ATG16L1: variants seen among roughly 807,000 people sequenced by gnomAD.
ATG16L1 encodes the protein autophagy-related protein 16-1.
Under a neutral mutation model 88.5 loss-of-function variants are expected in ATG16L1, and 37 were observed. That is an observed-to-expected ratio of 0.42 (90% CI 0.32 to 0.55). ATG16L1 has a LOEUF of 0.55. Among genes scored for constraint, ATG16L1 ranks in the 20% least tolerant of loss-of-function variants. ATG16L1 has a pLI of 0.13. For missense variants in ATG16L1, 554 were observed against 752.8 expected, an observed-to-expected ratio of 0.74 and a Z score of 3.09; for synonymous variants, 301 against 281.0, an observed-to-expected ratio of 1.07 and a Z score of -0.71.
intron 12 of ATG16L1, among the ~76,000 whole-genome samples, chr2:233,286,815 C>T (rs1272958565): frequency 3.3e-5 from 5 of 151,456 alleles, no homozygotes; most frequent in South Asian, 2.1e-4. Context: ...TTAGTAGAGA[C>T]GAGATTTCAC....
chr2:233,276,674 G>A lies in ATG16L1; in HGVS notation c.955-894G>A, dbSNP rs115402952. ...TTTAGTTTTTAAGAGACGAGGTTTC[G>A]CCACGTTGCCCAGGCTGGTCTTGAA... On this transcript the variant is annotated intron_variant, in intron 9 of 17. Coordinates refer to ENST00000392017, the MANE Select transcript of ATG16L1 (RefSeq NM_030803.7). Among the ~76,000 whole-genome samples the A allele has an allele frequency of 5.4e-3, 821 of 152,176 alleles. 10 individuals carry two copies. Among genetic ancestry groups the A allele is most frequent in the African/African-American group, 0.019 (776 of 41,514 alleles).
intron 2 of ATG16L1, among the ~76,000 whole-genome samples, chr2:233,257,143 C>G (rs1486413119): frequency 1.3e-5 from 2 of 152,170 alleles, no homozygotes; most frequent in Non-Finnish European, 2.9e-5. Context: ...CATTCTCCTG[C>G]CTCAGCCTCC....
intron 12 of ATG16L1, among the ~76,000 whole-genome samples, chr2:233,284,733 G>T (rs913223475): frequency 2.6e-5 from 4 of 152,118 alleles, no homozygotes; most frequent in Non-Finnish European, 5.9e-5. Context: ...GCCTCCCAAA[G>T]TGCTGGGATT....
intron 1 of ATG16L1, among the ~76,000 whole-genome samples, chr2:233,255,519 C>T (rs916354867): frequency 6.6e-6 from 1 of 152,194 alleles, no homozygotes; most frequent in Non-Finnish European, 1.5e-5. Flanking sequence ...TTTATTTAAT[C>T]ATTGCCAGTA....
chr2:233,294,202 A>G lies in ATG16L1; in HGVS notation c.1731-55A>G, dbSNP rs1699659216. 4 of 1,416,712 alleles carry G rather than the reference A, an allele frequency of 2.8e-6. No individual in the cohort carries two copies. In the South Asian group the frequency reaches 4.0e-5, roughly 14 times the overall value. The allele number at this position is 1,416,712 out of a possible 1,614,324, so 87.8% of individuals were successfully genotyped here. A position where few individuals can be genotyped will look rare whatever the true frequency, so the allele number is the denominator to read the frequency against. ...CAAGCTTCTGGTGTTTGGTTTACCA[A>G]GATCTCATCCCAAATGTTCTGAAAC... On this transcript the variant is annotated intron_variant, in intron 17 of 17. Transcript: ENST00000392017.
intron 12 of ATG16L1, among the ~76,000 whole-genome samples, chr2:233,287,667 C>T (rs1303324703): frequency 1.3e-5 from 2 of 152,192 alleles, no homozygotes; most frequent in Non-Finnish European, 2.9e-5. Flanking sequence ...CACTTGAAGT[C>T]AGGAATTCAA....
At chr2:233,260,459 TC>T (rs1401731686) in intron 2 of ATG16L1, among the ~76,000 whole-genome samples, 1 of 152,198 alleles carries the variant, frequency 6.6e-6, no homozygotes, top group Non-Finnish European at 1.5e-5. Context: ...TACTCAGACT[TC>T]CTGGAACCAG....
At chr2:233,293,581 C>T (rs1699612306) in intron 17 of ATG16L1, among the ~76,000 whole-genome samples, 1 of 151,760 alleles carries the variant, frequency 6.6e-6, no homozygotes, top group East Asian at 1.9e-4. Flanking sequence ...GAGTGGCAGC[C>T]GCTGGAGAAA....
rs557120312 is a variant in ATG16L1 at position 233,292,224 on chromosome 2, T to C, written c.1527T>C (p.Asp509=). Residue 509 remains aspartate (D), a synonymous_variant, in exon 15 of 18, where the codon GAT becomes GAC. Transcript: ENST00000392017. The part of the protein sequence containing the change: ...ERTELLSCSR[D]DLLKVIDLRT... Reference sequence around the variant, plus strand: ...CTGAGCTCCTGAGCTGCTCCCGTGATGACTTGCTAAAAGTTATTGATCTCC... The same window carrying C: ...CTGAGCTCCTGAGCTGCTCCCGTGACGACTTGCTAAAAGTTATTGATCTCC... The C allele has an allele frequency of 7.4e-5, 120 of 1,614,148 alleles. 1 individual carries two copies. Among genetic ancestry groups the C allele is most frequent in the Non-Finnish European group, 9.5e-5 (112 of 1,180,056 alleles).
At chr2:233,276,268 TAAC>T (rs1430597086) in intron 9 of ATG16L1, among the ~76,000 whole-genome samples, 2 of 152,214 alleles carry the variant, frequency 1.3e-5, no homozygotes, top group African/African-American at 2.4e-5. Flanking sequence ...ATTATCTACT[TAAC>T]AATCTCATAT....
intron 2 of ATG16L1, among the ~76,000 whole-genome samples, chr2:233,261,373 A>C (rs75632867): frequency 0.014 from 2,069 of 152,290 alleles, 19 homozygotes; most frequent in Admixed American, 0.029. Context: ...ACATAGTGAG[A>C]TACCATCTCA....
At chr2:233,264,139 G>C in intron 4 of ATG16L1, 74 bp downstream of exon 4, 1 of 1,513,224 alleles carries the variant, frequency 6.6e-7, no homozygotes, top group Non-Finnish European at 9.2e-7. Flanking sequence ...CCTCTTGTGA[G>C]CAGGGCCAGT....
chr2:233,251,907 T>C lies in ATG16L1; in HGVS notation c.80T>C (p.Leu27Pro). ...GAGCAACTGAGGCGCCGGGACCGGCTGCAGAGACAGGCGTTCGAGGAGATC... is the reference window on the plus strand; with the variant it reads ...GAGCAACTGAGGCGCCGGGACCGGCCGCAGAGACAGGCGTTCGAGGAGATC... ...ISEQLRRRDRLQRQAFEEIIL... is the reference protein window; with the variant it reads ...ISEQLRRRDRPQRQAFEEIIL... The change falls in exon 1 of 18, where the codon CTG (leucine) becomes CCG (proline). Residue 27 changes from leucine to proline, a missense_variant. This residue lies in a region of ATG16L1 where 101 missense variants were observed against 107.0 expected (regional missense o/e 0.94). Transcript: ENST00000392017. The C allele has an allele frequency of 6.4e-7, 1 of 1,550,662 alleles. No individual in the cohort carries two copies. The highest frequency in any genetic ancestry group is 8.7e-7 in the Non-Finnish European group (1 of 1,147,570).
intron 12 of ATG16L1, 51 bp downstream of exon 12, chr2:233,282,804 T>C (rs781253569): frequency 6.4e-7 from 1 of 1,551,376 alleles, no homozygotes; most frequent in Non-Finnish European, 8.9e-7. Flanking sequence ...CATGTGGTGT[T>C]ATCAAGGCAC....
intron 10 of ATG16L1, among the ~76,000 whole-genome samples, chr2:233,278,206 C>T (rs2125262023): frequency 6.6e-6 from 1 of 152,314 alleles, no homozygotes; most frequent in East Asian, 1.9e-4. Flanking sequence ...GATCAAGACT[C>T]AGTCTCTTTG....
chr2:233,285,841 G>A (rs1484571825), intron 12 of ATG16L1, among the ~76,000 whole-genome samples: 2 of 152,134 alleles, frequency 1.3e-5, no homozygotes, highest in African/African-American at 4.8e-5. Context: ...TTGCTCTTAC[G>A]ACAAGGGAAT....
rs369995634 is a variant in ATG16L1, at chr2:233,270,062, C to T, written c.702C>T (p.Val234=). 7 of 1,583,024 alleles carry T rather than the reference C, an allele frequency of 4.4e-6. No homozygotes were observed. Among genetic ancestry groups the T allele is most frequent in the South Asian group, 1.2e-5 (1 of 84,578 alleles). The change falls in exon 6 of 18, where the codon GTC becomes GTT. Residue 234 remains valine, a synonymous_variant. Transcript: ENST00000392017. ...LAEAAKEPLP[V]EQDDDIEVIV... ...AAGCAGCAAAGGAACCTCTACCAGT[C>T]GAACAGTAAGTAAAGATAAATGAAT...
intron 12 of ATG16L1, among the ~76,000 whole-genome samples, chr2:233,287,546 A>C (rs1321333606): frequency 1.3e-5 from 2 of 152,238 alleles, no homozygotes; most frequent in African/African-American, 4.8e-5. Context: ...TAGTGAATAT[A>C]AATACAAATT....
chr2:233,282,594 G>A, intron 11 of ATG16L1, 88 bp from the exon 12 acceptor site: 2 of 1,194,666 alleles, frequency 1.7e-6, no homozygotes, highest in South Asian at 1.2e-5. Flanking sequence ...AAACCTTCTT[G>A]TACTTGATTA....
Sources: gnomAD v4.1 joint callset for allele counts (sites outside exome capture counted in the v4.1 genomes callset) on GRCh38, gnomAD v4.1.1 for gene constraint, gnomAD v4.1.1 regional missense constraint, MANE v1.5 for transcripts, NCBI Gene and HGNC (gene_info 2026-07-23, HGNC 2026-07-21) for gene names.